Variants in DMGDH observed in about 807,000 individuals in gnomAD.
DMGDH encodes dimethylglycine dehydrogenase, mitochondrial.
In DMGDH, 76 loss-of-function variants were observed where a neutral mutation model predicts 95.2. The ratio of observed to expected loss-of-function variants is 0.80; its 90% CI spans 0.66 to 0.97. DMGDH has a LOEUF of 0.97. DMGDH is among the 50% of genes least tolerant of loss of function. The pLI is 0.00. For missense variants in DMGDH, 987 were observed against 1,055.0 expected (o/e 0.94, Z 0.89); for synonymous variants, 345 against 377.6 (o/e 0.91, Z 1.00).
chr5:79,065,036 C>T (rs1755331289), intron 1 of DMGDH, among the ~76,000 whole-genome samples: 1 of 151,888 alleles, frequency 6.6e-6, no homozygotes, highest in African/African-American at 2.4e-5. Context: ...AGGCATGAGC[C>T]ACTGTGCCTG....
rs760129923 is a variant in DMGDH, at chr5:79,044,323, G to C, written c.975C>G (p.Val325=). 6.2e-7 allele frequency: 1 copy of C among 1,614,170 alleles called. No homozygotes were observed. Among genetic ancestry groups the C allele is most frequent in the South Asian group, 1.1e-5 (1 of 91,066 alleles). ...ACCCACCTGGAGGAACTCCATTGGT[G>C]ACCCAGGAGTCCTGAACTTTCATTT... ...QEKMKVQDSW[V]TNGVPPGFGK... is the part of the protein sequence containing the mutation. The change falls in exon 6 of 16, where the codon GTC becomes GTG. Residue 325 remains valine, a synonymous_variant. Transcript: ENST00000255189.
At chr5:79,002,960 C>T (rs1753478783) in intron 15 of DMGDH, among the ~76,000 whole-genome samples, 1 of 152,174 alleles carries the variant, frequency 6.6e-6, no homozygotes, top group Non-Finnish European at 1.5e-5. Flanking sequence ...CATGTAAATG[C>T]AGTATATGCA....
intron 1 of DMGDH, among the ~76,000 whole-genome samples, chr5:79,066,314 C>T (rs1755378512): frequency 1.3e-5 from 2 of 151,810 alleles, no homozygotes; most frequent in African/African-American, 4.8e-5. Context: ...TAGATGGAGT[C>T]TTGCTCTGTT....
chr5:79,020,887 T>C (rs1179238697), intron 14 of DMGDH: 1 of 985,300 alleles, frequency 1.0e-6, no homozygotes, highest in African/African-American at 1.7e-5. Flanking sequence ...TCTCCAGAAA[T>C]GGACAAAAAT....
At chr5:79,011,804 G>A (rs1281774422) in intron 14 of DMGDH, among the ~76,000 whole-genome samples, 2 of 152,080 alleles carry the variant, frequency 1.3e-5, no homozygotes, top group Non-Finnish European at 2.9e-5. Flanking sequence ...TCACTATTGC[G>A]AGGACAGTAC....
chr5:79,041,631 T>C (rs1754509389), intron 7 of DMGDH, among the ~76,000 whole-genome samples: 1 of 152,170 alleles, frequency 6.6e-6, no homozygotes, highest in South Asian at 2.1e-4. Flanking sequence ...CTGGGGCAAA[T>C]TGACTATCTG....
At chr5:79,040,579 T>C (rs1166604644) in intron 7 of DMGDH, among the ~76,000 whole-genome samples, 1 of 152,138 alleles carries the variant, frequency 6.6e-6, no homozygotes, top group Non-Finnish European at 1.5e-5. Context: ...ACACCAAAAG[T>C]ACATGTGAAC....
At chr5:79,006,711 A>C (rs1393342072) in intron 14 of DMGDH, among the ~76,000 whole-genome samples, 3 of 152,184 alleles carry the variant, frequency 2.0e-5, no homozygotes, top group African/African-American at 7.2e-5. Flanking sequence ...TTTCATGCCT[A>C]AGATGTCCTC....
At chr5:79,021,975 C>T (rs1753879949) in intron 14 of DMGDH, among the ~76,000 whole-genome samples, 1 of 152,170 alleles carries the variant, frequency 6.6e-6, no homozygotes, top group Non-Finnish European at 1.5e-5. Context: ...GAGGGGAGTA[C>T]CAGCTGATCC....
chr5:79,013,378 C>A (rs990983233), intron 14 of DMGDH, among the ~76,000 whole-genome samples: 1 of 152,108 alleles, frequency 6.6e-6, no homozygotes, highest in Non-Finnish European at 1.5e-5. Flanking sequence ...CATCTCTGTC[C>A]ATATCATTAT....
chr5:79,042,279 T>G lies in DMGDH; in HGVS notation c.1193+4A>C. The G allele has an allele frequency of 1.2e-6, 2 of 1,613,390 alleles. No homozygotes were observed. The highest frequency in any genetic ancestry group is 1.7e-6 in the Non-Finnish European group (2 of 1,179,284). ...TAAATGTTGAATTACATGAAGATAC[T>G]TACCCAAAGCCTATAGCCACCCAGT... is the stretch of plus-strand genomic sequence containing the variant. On this transcript the variant is annotated splice_donor_region_variant and intron_variant, in intron 7 of 15. Transcript: ENST00000255189.
chr5:79,035,136 G>A (rs1452133885), intron 7 of DMGDH, among the ~76,000 whole-genome samples: 1 of 149,006 alleles, frequency 6.7e-6, no homozygotes, highest in African/African-American at 2.5e-5. Flanking sequence ...CATTTTAATA[G>A]ACATGGGGCA....
intron 15 of DMGDH, chr5:79,000,813 C>T: frequency 1.6e-6 from 1 of 631,384 alleles, no homozygotes; most frequent in Non-Finnish European, 2.9e-6. Flanking sequence ...AAAGCAGGTA[C>T]TCTCACCGAA....
At chr5:79,049,867 G>A (rs1754785288) in intron 5 of DMGDH, among the ~76,000 whole-genome samples, 1 of 152,134 alleles carries the variant, frequency 6.6e-6, no homozygotes, top group African/African-American at 2.4e-5. Context: ...CAAATAGGAG[G>A]CATGGGTGAG....
chr5:79,023,583 T>C (rs1195292370), intron 14 of DMGDH, among the ~76,000 whole-genome samples: 5 of 152,182 alleles, frequency 3.3e-5, no homozygotes, highest in African/African-American at 1.2e-4. Context: ...AGTTCTAGGG[T>C]GGGACCTGAG....
At chr5:79,032,222 C>A (rs1163018570) in intron 9 of DMGDH, among the ~76,000 whole-genome samples, 2 of 152,226 alleles carry the variant, frequency 1.3e-5, no homozygotes, top group Non-Finnish European at 2.9e-5. Flanking sequence ...ACCTTATCAA[C>A]TGCACATATA....
At chr5:79,003,355 C>T (rs1432720406) in intron 15 of DMGDH, among the ~76,000 whole-genome samples, 1 of 152,036 alleles carries the variant, frequency 6.6e-6, no homozygotes, top group African/African-American at 2.4e-5. Flanking sequence ...AATGGCAGAG[C>T]TGGTTATAAG....
rs1183230797 is a variant in DMGDH at position 79,032,738 on chromosome 5, C to T, written c.1466G>A (p.Gly489Asp). 1 of 1,614,114 alleles carries T rather than the reference C, an allele frequency of 6.2e-7. No homozygotes were observed. Among genetic ancestry groups the T allele is most frequent in the South Asian group, 1.1e-5 (1 of 91,082 alleles). Reference protein sequence around the residue: ...ESKCSMGFHAGWEQPHWFYKP... With the variant: ...ESKCSMGFHADWEQPHWFYKP... The stretch of plus-strand genomic sequence containing the variant: ...GTAGAACCAGTGCGGCTGCTCCCAG[C>T]CAGCATGGAACCCCATGGAACACTT... Residue 489 changes from glycine to aspartate, a missense_variant, in exon 9 of 16, where the codon GGC becomes GAC. By Grantham distance (94) the Gly-to-Asp change is moderately conservative. Coordinates refer to ENST00000255189, the MANE Select transcript of DMGDH (RefSeq NM_013391.3).
At chr5:79,054,542 G>A (rs552934209) in intron 3 of DMGDH, among the ~76,000 whole-genome samples, 194 bp from the exon 4 acceptor site, 6 of 152,232 alleles carry the variant, frequency 3.9e-5, no homozygotes, top group South Asian at 2.1e-4. Context: ...GTGCCTGTTC[G>A]GAGCCAGGCA....
Sources: gnomAD v4.1 joint callset for allele counts (sites outside exome capture counted in the v4.1 genomes callset) on GRCh38, gnomAD v4.1.1 for gene constraint, MANE v1.5 for transcripts, NCBI Gene and HGNC (gene_info 2026-07-23, HGNC 2026-07-21) for gene names.